CGN: variants seen among roughly 807,000 people sequenced by gnomAD.
CGN encodes cingulin.
CGN carries 121 observed loss-of-function variants against 157.1 expected under a neutral mutation model. The observed-to-expected ratio is 0.77, with a 90% CI of 0.66 to 0.90. The LOEUF is 0.90. Ranked by LOEUF, CGN falls within the 40% of genes least tolerant of loss-of-function variation. CGN has a pLI of 0.00. For synonymous variants in CGN, 535 were observed against 607.5 expected (o/e 0.88, Z 1.76); for missense variants, 1,424 against 1,520.9 (o/e 0.94, Z 1.06).
intron 10 of CGN, among the ~76,000 whole-genome samples, chr1:151,528,874 A>G (rs1375708396): frequency 6.6e-6 from 1 of 152,154 alleles, no homozygotes; most frequent in Non-Finnish European, 1.5e-5. Flanking sequence ...CCTATTCTGG[A>G]TATTTAATAT....
chr1:151,523,718 T>A (rs1664597451), intron 6 of CGN, among the ~76,000 whole-genome samples, 157 bp downstream of exon 6: 2 of 152,252 alleles, frequency 1.3e-5, no homozygotes, highest in African/African-American at 4.8e-5. Context: ...GGCCTTTCTC[T>A]CTACCTTCTT....
intron 5 of CGN, among the ~76,000 whole-genome samples, chr1:151,521,918 T>C (rs896654621): frequency 1.3e-5 from 2 of 152,206 alleles, no homozygotes; most frequent in Non-Finnish European, 2.9e-5. Flanking sequence ...CTGAGCCTGT[T>C]ATAAGGTTCC....
rs1665015825 is a variant in CGN, at chr1:151,538,235, G to A, written c.*889G>A. On this transcript the variant is annotated 3_prime_UTR_variant, in exon 21 of 21. Coordinates refer to ENST00000271636, the MANE Select transcript of CGN (RefSeq NM_020770.3). The stretch of plus-strand genomic sequence containing the variant: ...ATGGTTATAAGGTGGTTGCACCTGG[G>A]AGCCCTGACAACTGGCTGCACAAAT... The A allele has an allele frequency of 6.6e-6, 1 of 152,208 alleles. No individual in the cohort carries two copies. The highest frequency in any genetic ancestry group is 6.5e-5 in the Admixed American group (1 of 15,268). The allele number at this position is 152,208 out of a possible 1,614,324, so 9.4% of individuals were successfully genotyped here.
rs772759513 is a variant in CGN at position 151,530,087 on chromosome 1, G to A, written c.2285G>A (p.Arg762Gln). 3.4e-5 allele frequency: 55 copies of A among 1,613,368 alleles called. No individual in the cohort carries two copies. The East Asian group carries it at 6.0e-4, about 18-fold the overall frequency. ...GATGGTGGGGAAGCGGTGGAGGCACGACTACGGGACAAGCTGCAGCGGCTG... is the reference window on the plus strand; with the variant it reads ...GATGGTGGGGAAGCGGTGGAGGCACAACTACGGGACAAGCTGCAGCGGCTG... The part of the protein sequence containing the change: ...LVDGGEAVEA[R>Q]LRDKLQRLEA... The change falls in exon 12 of 21, where the codon CGA (arginine) becomes CAA (glutamine). Residue 762 changes from arginine (R) to glutamine (Q), a missense_variant. Arg to Gln is a conservative substitution (Grantham distance 43). Coordinates refer to ENST00000271636, the MANE Select transcript of CGN (RefSeq NM_020770.3).
intron 5 of CGN, among the ~76,000 whole-genome samples, chr1:151,522,228 C>G (rs1035082718): frequency 1.3e-5 from 2 of 152,224 alleles, no homozygotes; most frequent in African/African-American, 4.8e-5. Flanking sequence ...TGTGATTGCA[C>G]TGCTGCACTC....
intron 3 of CGN, 51 bp from the exon 4 acceptor site, chr1:151,520,363 C>G (rs1228908316): frequency 6.3e-6 from 10 of 1,574,928 alleles, no homozygotes; most frequent in Non-Finnish European, 8.7e-6. Context: ...TTCCTGATCT[C>G]TGCTACCTCT....
chr1:151,537,008 T>C lies in CGN; in HGVS notation c.3470+115T>C, dbSNP rs999218790. ...TAACATGGTACTGTGTAGTCACTTG[T>C]TTCTGGTTGGAAGCCAGTATATTTA... On this transcript the variant is annotated intron_variant, in intron 20 of 20. Transcript: ENST00000271636. 2.0e-5 allele frequency: 26 copies of C among 1,294,042 alleles called. No individual in the cohort carries two copies. The Middle Eastern group carries it at 1.4e-3, about 67-fold the overall frequency. The allele number at this position is 1,294,042 out of a possible 1,614,324, so 80.2% of individuals were successfully genotyped here. A position where few individuals can be genotyped will look rare whatever the true frequency, so the allele number is the denominator to read the frequency against.
At position 151,524,539 on chromosome 1, in the gene CGN, ATTCTGGGCTCCAG is replaced by A. The variant is rs1302325694; in HGVS notation, c.1402-133_1402-121del. 2 of 1,183,386 alleles carry A rather than the reference ATTCTGGGCTCCAG, an allele frequency of 1.7e-6. No individual in the cohort carries two copies. The highest frequency in any genetic ancestry group is 5.0e-5 in the East Asian group (2 of 39,786). 73.3% of individuals were successfully genotyped at this position (1,183,386 alleles called of 1,614,324 possible). On this transcript the variant is annotated intron_variant, in intron 7 of 20. Transcript: ENST00000271636. The surrounding 1 kb of genome is among the most constrained non-coding windows in gnomAD (Gnocchi z 4.4). ...AGAGTTAGGATAAAGGAAACCTATC[ATTCTGGGCTCCAG>A]TACTGGTACTAGAGCACCTGGTACT...
In CGN at chr1:151,534,036, A is replaced by T; in HGVS notation, c.2804A>T (p.Asp935Val). ...SQAERDTARL[D>V]KELLAQRLQG... ...GCTGAGCGGGACACAGCCCGGCTGG[A>T]CAAAGAGCTACTGGCCCAGCGACTG... The change falls in exon 15 of 21, where the codon GAC becomes GTC. Residue 935 changes from aspartate (D) to valine (V), a missense_variant. Asp to Val is a radical substitution (Grantham distance 152). Transcript: ENST00000271636. 1 of 1,613,678 alleles carries T rather than the reference A, an allele frequency of 6.2e-7. No homozygotes were observed. Among genetic ancestry groups the T allele is most frequent in the Non-Finnish European group, 8.5e-7 (1 of 1,179,952 alleles).
upstream of CGN, among the ~76,000 whole-genome samples, chr1:151,511,167 G>C (rs1022275058): frequency 6.6e-5 from 10 of 152,296 alleles, 2 homozygotes; most frequent in South Asian, 2.1e-3. The surrounding 1 kb of genome is among the most constrained non-coding windows in gnomAD (Gnocchi z 4.8). Flanking sequence ...TGGCCTCCGC[G>C]CCCCTCGCCG....
Position 151,530,483 on chromosome 1 carries a change from T to G in CGN, c.2314-6T>G, listed in dbSNP as rs531757666. 1 of 1,566,078 alleles carries G rather than the reference T, an allele frequency of 6.4e-7. No individual in the cohort carries two copies. The highest frequency in any genetic ancestry group is 1.2e-5 in the South Asian group (1 of 83,572). ...CTCAGTCCAACCCTGCTTCCCTACC[T>G]CCCAGGCAGAGAAACAGCAGCTGGA... is the stretch of plus-strand genomic sequence containing the variant. On this transcript the variant is annotated splice_region_variant and splice_polypyrimidine_tract_variant and intron_variant, in intron 12 of 20. Coordinates refer to ENST00000271636, the MANE Select transcript of CGN (RefSeq NM_020770.3).
intron 20 of CGN, 151 bp from the exon 21 acceptor site, chr1:151,537,054 C>T (rs1664984212): frequency 8.6e-7 from 1 of 1,157,792 alleles, no homozygotes; most frequent in Non-Finnish European, 1.2e-6. Flanking sequence ...TCTCAGCCAC[C>T]ATCCTGTACC....
At chr1:151,510,417 C>G (rs199970140), upstream of CGN, 7 of 152,316 alleles carry the variant, frequency 4.6e-5, no homozygotes, top group East Asian at 1.2e-3. Flanking sequence ...CGGTTAACAG[C>G]TAGGATGCCA....
Position 151,524,456 on chromosome 1 carries a change from G to T in CGN, c.1401+98G>T. 6.5e-7 allele frequency: 1 copy of T among 1,547,120 alleles called. No individual in the cohort carries two copies. The highest frequency in any genetic ancestry group is 1.4e-5 in the African/African-American group (1 of 73,138). On this transcript the variant is annotated intron_variant, in intron 7 of 20. Coordinates refer to ENST00000271636, the MANE Select transcript of CGN (RefSeq NM_020770.3). This position sits in a 1 kb window ranked among gnomAD's most constrained non-coding sequence, Gnocchi z 4.4. ...GGTTTCCCCAAAGTATGAGGAGTGG[G>T]TGGCTGATTACAGGTACTCAGTGTG...
At chr1:151,527,956 T>A (rs1218766866) in intron 10 of CGN, 121 of 145,910 alleles carry the variant, frequency 8.3e-4, no homozygotes, top group African/African-American at 2.9e-3. Context: ...ATATATTTTT[T>A]TTTTTTTTTT....
In CGN at chr1:151,518,848, G is replaced by A. The variant is rs780983147; in HGVS notation, c.329G>A (p.Gly110Glu). 5.0e-6 allele frequency: 8 copies of A among 1,613,882 alleles called. No homozygotes were observed. In the Admixed American group the frequency reaches 5.0e-5, roughly 10 times the overall value. Residue 110 changes from glycine (G) to glutamate (E), a missense_variant, in exon 2 of 21, where the codon GGA (glycine) becomes GAA (glutamate). By Grantham distance (98) the Gly-to-Glu change is moderately conservative. Coordinates refer to ENST00000271636, the MANE Select transcript of CGN (RefSeq NM_020770.3). ...GAGAACCCCTACTCTCAGGTCAAGGGATTTCCTGCCCCCTCGCAGAGCAGC... is the reference window on the plus strand; with the variant it reads ...GAGAACCCCTACTCTCAGGTCAAGGAATTTCCTGCCCCCTCGCAGAGCAGC... ...LPENPYSQVK[G>E]FPAPSQSSTS... is the part of the protein sequence containing the mutation.
Position 151,532,564 on chromosome 1 carries a change from C to T in CGN, c.2734C>T (p.Gln912Ter). The T allele has an allele frequency of 2.6e-6, 4 of 1,510,986 alleles. No homozygotes were observed. The highest frequency in any genetic ancestry group is 3.5e-6 in the Non-Finnish European group (4 of 1,131,208). The allele number at this position is 1,510,986 out of a possible 1,614,324, so 93.6% of individuals were successfully genotyped here. A position where few individuals can be genotyped will look rare whatever the true frequency, so the allele number is the denominator to read the frequency against. ...GACCTCTGGAGGACTGAGCCGACTT[C>T]AGGATGAGGTAGAAGTCTAATATCC... Reference protein sequence around the residue: ...EKTSGGLSRLQDEIQRLRQAL... With the variant: ...EKTSGGLSRL Residue 912 changes from glutamine to a stop codon, truncating the protein, a stop_gained, in exon 14 of 21, where the codon CAG becomes TAG. Coordinates refer to ENST00000271636, the MANE Select transcript of CGN (RefSeq NM_020770.3). LOFTEE classifies it high-confidence loss of function.
upstream of CGN, chr1:151,511,290 G>C (rs1488268720): frequency 6.5e-6 from 1 of 152,720 alleles, no homozygotes; most frequent in Non-Finnish European, 1.5e-5. The surrounding 1 kb of genome is among the most constrained non-coding windows in gnomAD (Gnocchi z 4.8). Context: ...TACGGGAAGC[G>C]GACCAACCGG....
At chr1:151,535,939 C>T in intron 18 of CGN, 41 bp downstream of exon 18, 1 of 1,485,950 alleles carries the variant, frequency 6.7e-7, no homozygotes. Context: ...CCCTCCTTTT[C>T]TTCCTCCCTC....
Sources: allele counts gnomAD v4.1 joint callset (sites outside exome capture counted in the v4.1 genomes callset), GRCh38; gene constraint gnomAD v4.1.1; non-coding constraint Gnocchi (gnomAD v3.1); transcripts MANE v1.5; gene names NCBI Gene and HGNC (gene_info 2026-07-23, HGNC 2026-07-21).